SPECC1: variants seen among roughly 807,000 people sequenced by gnomAD.
SPECC1 encodes the protein cytospin-B.
SPECC1 carries 62 observed loss-of-function variants against 104.1 expected under a neutral mutation model. The observed-to-expected ratio is 0.60, with a 90% CI of 0.49 to 0.74. The LOEUF (loss-of-function observed/expected upper bound fraction) is 0.74. Ranked by LOEUF, SPECC1 falls within the 30% of genes least tolerant of loss-of-function variation. The pLI is 0.00. For synonymous variants in SPECC1, 513 were observed against 501.6 expected, an observed-to-expected ratio of 1.02 and a Z score of -0.30; for missense variants, 1,306 against 1,310.5, an observed-to-expected ratio of 1.00 and a Z score of 0.05.
At chr17:20,107,144 CAAAAAAAAAAAA>C (rs531912350) in intron 2 of SPECC1, among the ~76,000 whole-genome samples, 3 of 68,214 alleles carry the variant, frequency 4.4e-5, no homozygotes, top group East Asian at 1.8e-3. Flanking sequence ...ACTCGTGTCT[CAAAAAAAAAAAA>C]AAAAAAAAAA....
chr17:20,262,175 T>G (rs1307961811), intron 12 of SPECC1, among the ~76,000 whole-genome samples: 1 of 152,242 alleles, frequency 6.6e-6, no homozygotes, highest in Non-Finnish European at 1.5e-5. Context: ...AGTAACCCAT[T>G]GTAGGATTAT....
chr17:20,300,062 ATAAC>A (rs2041516909), intron 13 of SPECC1, among the ~76,000 whole-genome samples: 1 of 152,248 alleles, frequency 6.6e-6, no homozygotes, highest in African/African-American at 2.4e-5. Context: ...TTCATGTTAA[ATAAC>A]CACATCATGT....
intron 2 of SPECC1, among the ~76,000 whole-genome samples, chr17:20,105,516 T>C (rs754885620): frequency 2.6e-5 from 4 of 151,994 alleles, no homozygotes; most frequent in Non-Finnish European, 5.9e-5. Context: ...CAAGTCTTCT[T>C]TTGCATGTCC....
Position 20,276,096 on chromosome 17 carries a change from CT to C in SPECC1, c.2940+15805del, listed in dbSNP as rs540469887. Reference sequence around the variant, plus strand: ...CATTTATGTTATTTGCATGATATATCTTTGTACTTTCTTTCCTTTCTTCTCT... The same window carrying C: ...CATTTATGTTATTTGCATGATATATCTTGTACTTTCTTTCCTTTCTTCTCT... On this transcript the variant is annotated intron_variant, in intron 12 of 14. Coordinates refer to ENST00000395527, the MANE Select transcript of SPECC1 (RefSeq NM_001243439.2). Among the ~76,000 whole-genome samples the C allele has an allele frequency of 6.0e-4, 91 of 152,052 alleles. 1 individual carries two copies. The highest frequency in any genetic ancestry group is 3.4e-3 in the Middle Eastern group (1 of 294).
At chr17:20,064,566 G>C (rs1383020662) in intron 1 of SPECC1, among the ~76,000 whole-genome samples, 1 of 152,162 alleles carries the variant, frequency 6.6e-6, no homozygotes, top group Non-Finnish European at 1.5e-5. Flanking sequence ...ACAGCAGGAG[G>C]ATCTGTCCCA....
At chr17:20,265,422 G>A (rs1053485119) in intron 12 of SPECC1, among the ~76,000 whole-genome samples, 1 of 152,130 alleles carries the variant, frequency 6.6e-6, no homozygotes, top group Non-Finnish European at 1.5e-5. Flanking sequence ...AGAGGTGACT[G>A]TTCATTTCCT....
intron 4 of SPECC1, among the ~76,000 whole-genome samples, chr17:20,222,327 G>A (rs1298896190): frequency 6.6e-6 from 1 of 151,744 alleles, no homozygotes; most frequent in Non-Finnish European, 1.5e-5. Context: ...GAGCGAGATT[G>A]TGTCTCGAAA....
intron 12 of SPECC1, among the ~76,000 whole-genome samples, chr17:20,280,324 A>G (rs1317564396): frequency 6.6e-6 from 1 of 152,208 alleles, no homozygotes; most frequent in Non-Finnish European, 1.5e-5. Context: ...TTTTGTATCC[A>G]TTTTACAAAT....
intron 2 of SPECC1, among the ~76,000 whole-genome samples, chr17:20,099,772 G>T (rs2047852736): frequency 6.7e-6 from 1 of 149,078 alleles, no homozygotes; most frequent in Admixed American, 6.7e-5. Flanking sequence ...TGTTTCTAAA[G>T]GACAATGAAT....
At chr17:20,180,671 C>T (rs2034818464) in intron 3 of SPECC1, among the ~76,000 whole-genome samples, 1 of 152,196 alleles carries the variant, frequency 6.6e-6, no homozygotes, top group Admixed American at 6.5e-5. Flanking sequence ...CATGTCTTGC[C>T]TAAAGGCATT....
intron 11 of SPECC1, among the ~76,000 whole-genome samples, chr17:20,259,769 G>A (rs962638133): frequency 2.0e-5 from 3 of 152,010 alleles, no homozygotes; most frequent in African/African-American, 4.8e-5. Context: ...CCCTTGGCTC[G>A]TAAAGTTCTG....
chr17:20,281,141 G>A (rs931117412), intron 12 of SPECC1, among the ~76,000 whole-genome samples: 13 of 152,184 alleles, frequency 8.5e-5, no homozygotes, highest in African/African-American at 3.1e-4. Context: ...GGCTTTGGGT[G>A]AAACCATGTG....
At chr17:20,052,227 G>T (rs575334528) in intron 1 of SPECC1, among the ~76,000 whole-genome samples, 47 of 152,266 alleles carry the variant, frequency 3.1e-4, no homozygotes, top group African/African-American at 1.1e-3. Flanking sequence ...AGCCATTTGT[G>T]CCAAATGTCA....
At chr17:20,234,799 G>A (rs1054275527) in intron 7 of SPECC1, among the ~76,000 whole-genome samples, 11 of 152,240 alleles carry the variant, frequency 7.2e-5, no homozygotes, top group African/African-American at 2.7e-4. Context: ...TGATAAGCAC[G>A]AGATGAAGCA....
At chr17:20,251,223 T>TAAAAAAAAAAAAA (rs2039616273) in intron 9 of SPECC1, among the ~76,000 whole-genome samples, 1 of 14,742 alleles carries the variant, frequency 6.8e-5, no homozygotes, top group South Asian at 3.5e-3. Flanking sequence ...AGACTCTATC[T>TAAAAAAAAAAAAA]CAAAAAAAAA....
chr17:20,022,187 C>A (rs938888338), intron 1 of SPECC1, among the ~76,000 whole-genome samples: 1 of 152,010 alleles, frequency 6.6e-6, no homozygotes, highest in African/African-American at 2.4e-5. Flanking sequence ...ATGATCCGCC[C>A]GCCTCGGCCT....
intron 12 of SPECC1, among the ~76,000 whole-genome samples, chr17:20,275,351 A>C (rs2040541351): frequency 6.6e-6 from 1 of 152,138 alleles, no homozygotes; most frequent in Non-Finnish European, 1.5e-5. Context: ...GTTTTGTCTC[A>C]ATAAGGCCTG....
intron 3 of SPECC1, among the ~76,000 whole-genome samples, chr17:20,125,679 C>T (rs1008980812): frequency 6.6e-6 from 1 of 152,226 alleles, no homozygotes; most frequent in Non-Finnish European, 1.5e-5. Context: ...CAGGTTCATC[C>T]ACAATGGGAC....
chr17:20,259,717 G>T (rs955868852), intron 11 of SPECC1, among the ~76,000 whole-genome samples: 2 of 151,884 alleles, frequency 1.3e-5, no homozygotes, highest in African/African-American at 4.8e-5. Flanking sequence ...TCGCTATGTT[G>T]CCCAGGCTGG....
Sources: allele counts gnomAD v4.1 joint callset (sites outside exome capture counted in the v4.1 genomes callset), GRCh38; gene constraint gnomAD v4.1.1; transcripts MANE v1.5; gene names NCBI Gene and HGNC (gene_info 2026-07-23, HGNC 2026-07-21).